The following FBXL7 variants were observed in gnomAD, a reference collection of about 807,000 sequenced individuals.
The protein encoded by FBXL7 is F-box and leucine rich repeat protein 7, also known as F-box/LRR-repeat protein 7.
FBXL7 carries 12 observed loss-of-function variants against 38.3 expected under a neutral mutation model. The ratio of observed to expected loss-of-function variants is 0.31; its 90% CI spans 0.20 to 0.51. The LOEUF (loss-of-function observed/expected upper bound fraction) is 0.51. Ranked by LOEUF, FBXL7 falls within the 20% of genes least tolerant of loss-of-function variation. The pLI is 0.98. For synonymous variants in FBXL7, 297 were observed against 300.9 expected (o/e 0.99, Z 0.13); for missense variants, 567 against 676.4 (o/e 0.84, Z 1.79).
chr5:15,937,255 T>A lies in FBXL7; in HGVS notation c.*69T>A. The A allele has an allele frequency of 6.9e-7, 1 of 1,450,104 alleles. No individual in the cohort carries two copies. Among genetic ancestry groups the A allele is most frequent in the Admixed American group, 2.5e-5 (1 of 40,796 alleles). The allele number at this position is 1,450,104 out of a possible 1,614,324, so 89.8% of individuals were successfully genotyped here. A position where few individuals can be genotyped will look rare whatever the true frequency, so the allele number is the denominator to read the frequency against. On this transcript the variant is annotated 3_prime_UTR_variant, in exon 4 of 4. Transcript: ENST00000504595. The stretch of plus-strand genomic sequence containing the variant: ...AAAGCAAATTTTTTTAAAAGCAGCG[T>A]ATGTAAGCACCGACACCCACTCAAA...
chr5:15,801,255 T>C (rs893508268), intron 2 of FBXL7, among the ~76,000 whole-genome samples: 5 of 152,182 alleles, frequency 3.3e-5, no homozygotes, highest in Admixed American at 1.3e-4. Flanking sequence ...AGCTGACACA[T>C]AAGACTAATC....
chr5:15,690,968 T>A (rs1472354846), intron 2 of FBXL7, among the ~76,000 whole-genome samples: 1 of 152,234 alleles, frequency 6.6e-6, no homozygotes, highest in Non-Finnish European at 1.5e-5. Flanking sequence ...GTTGGCACTC[T>A]AAGTTAAGGG....
At chr5:15,608,640 T>C (rs1740113737) in intron 1 of FBXL7, among the ~76,000 whole-genome samples, 1 of 152,158 alleles carries the variant, frequency 6.6e-6, no homozygotes, top group Non-Finnish European at 1.5e-5. Flanking sequence ...ATGGGCCACA[T>C]CCAATGACTT....
At chr5:15,573,890 A>G (rs781616995) in intron 1 of FBXL7, among the ~76,000 whole-genome samples, 1 of 152,200 alleles carries the variant, frequency 6.6e-6, no homozygotes, top group Non-Finnish European at 1.5e-5. Flanking sequence ...CAGCAACCCC[A>G]CTGAAAACAA....
chr5:15,578,793 A>G (rs1739045682), intron 1 of FBXL7, among the ~76,000 whole-genome samples: 1 of 152,244 alleles, frequency 6.6e-6, no homozygotes, highest in Non-Finnish European at 1.5e-5. Flanking sequence ...GTCTCATCCC[A>G]TAGCCCTCCA....
chr5:15,766,147 T>C (rs530626354), intron 2 of FBXL7, among the ~76,000 whole-genome samples: 2 of 152,298 alleles, frequency 1.3e-5, no homozygotes, highest in South Asian at 2.1e-4. Context: ...TCTTTGGTCC[T>C]GCTGTCCCCT....
At chr5:15,754,929 G>T (rs1698832176) in intron 2 of FBXL7, among the ~76,000 whole-genome samples, 1 of 152,148 alleles carries the variant, frequency 6.6e-6, no homozygotes, top group African/African-American at 2.4e-5. Context: ...CAAAGTACCT[G>T]ACTTCTAGAT....
intron 2 of FBXL7, among the ~76,000 whole-genome samples, chr5:15,918,556 T>C (rs559605984): frequency 6.6e-6 from 1 of 152,254 alleles, no homozygotes; most frequent in Non-Finnish European, 1.5e-5. Context: ...CTAGAAGAGC[T>C]AAAGGAAAAA....
intron 2 of FBXL7, among the ~76,000 whole-genome samples, chr5:15,662,224 G>A (rs970973622): frequency 5.9e-5 from 9 of 152,062 alleles, no homozygotes; most frequent in African/African-American, 2.2e-4. Flanking sequence ...TTTGGTTTTT[G>A]ATTTGCATTT....
chr5:15,790,989 C>T (rs1737259249), intron 2 of FBXL7, among the ~76,000 whole-genome samples: 1 of 148,800 alleles, frequency 6.7e-6, no homozygotes, highest in Admixed American at 6.7e-5. Context: ...AATGGGGTGG[C>T]CTGGTAGGGT....
intron 2 of FBXL7, among the ~76,000 whole-genome samples, chr5:15,655,320 ACCCTGTGTC>A: frequency 6.6e-6 from 1 of 152,154 alleles, no homozygotes; most frequent in African/African-American, 2.4e-5. Flanking sequence ...GTATGGTGAA[ACCCTGTGTC>A]TACTAAAAAT....
chr5:15,706,249 A>G (rs113946882), intron 2 of FBXL7, among the ~76,000 whole-genome samples: 162 of 152,266 alleles, frequency 1.1e-3, no homozygotes, highest in African/African-American at 3.7e-3. Context: ...TGTCTTCATA[A>G]TAGTGAGTTT....
At position 15,851,813 on chromosome 5, in the gene FBXL7, TACACACAC is replaced by T. The variant is rs35896061; in HGVS notation, c.128-76047_128-76040del. ...TGGAAAAAAAGATTCTGCAAACTAATACACACACACACACACACACACACACACACACA... is the reference window on the plus strand; with the variant it reads ...TGGAAAAAAAGATTCTGCAAACTAATACACACACACACACACACACACACA... On this transcript the variant is annotated intron_variant, in intron 2 of 3. Transcript: ENST00000504595. Among the ~76,000 whole-genome samples the T allele has an allele frequency of 7.6e-4, 102 of 133,694 alleles. 1 individual carries two copies. The highest frequency in any genetic ancestry group is 1.5e-3 in the African/African-American group (54 of 35,676). 87.7% of individuals were successfully genotyped at this position (133,694 alleles called of 152,430 possible).
intron 2 of FBXL7, among the ~76,000 whole-genome samples, chr5:15,840,228 GA>G (rs1453701237): frequency 1.3e-5 from 2 of 152,108 alleles, no homozygotes; most frequent in Non-Finnish European, 2.9e-5. Flanking sequence ...AGTGTGCCTT[GA>G]AAAGTCTTTT....
chr5:15,812,882 CTT>C (rs1196724419), intron 2 of FBXL7, among the ~76,000 whole-genome samples: 1 of 152,060 alleles, frequency 6.6e-6, no homozygotes, highest in Non-Finnish European at 1.5e-5. Context: ...ATTTTATTCT[CTT>C]TGTAGCAGTT....
chr5:15,644,946 T>G (rs1333937915), intron 2 of FBXL7, among the ~76,000 whole-genome samples: 1 of 152,112 alleles, frequency 6.6e-6, no homozygotes, highest in Non-Finnish European at 1.5e-5. Context: ...GCAGCACCCC[T>G]GGGACTTTAT....
chr5:15,531,919 G>A (rs895784808), intron 1 of FBXL7, among the ~76,000 whole-genome samples: 1 of 152,120 alleles, frequency 6.6e-6, no homozygotes, highest in African/African-American at 2.4e-5. Context: ...CCCTTTGCTG[G>A]TTCAGGATTA....
intron 2 of FBXL7, among the ~76,000 whole-genome samples, chr5:15,806,335 C>G (rs1737711358): frequency 6.6e-6 from 1 of 152,044 alleles, no homozygotes. Context: ...GTGGATGATT[C>G]ATCTCAAAAT....
intron 2 of FBXL7, among the ~76,000 whole-genome samples, chr5:15,761,120 G>A (rs1017941637): frequency 1.3e-5 from 2 of 152,212 alleles, no homozygotes; most frequent in Admixed American, 1.3e-4. Flanking sequence ...ATATGTGCCT[G>A]TGGACAGAGG....
Sources: allele counts gnomAD v4.1 joint callset (sites outside exome capture counted in the v4.1 genomes callset), GRCh38; gene constraint gnomAD v4.1.1; transcripts MANE v1.5; gene names NCBI Gene and HGNC (gene_info 2026-07-23, HGNC 2026-07-21).